UTP14C: variants seen among roughly 807,000 people sequenced by gnomAD.
The protein encoded by UTP14C is U3 small nucleolar RNA-associated protein 14 homolog C.
UTP14C carries 10 observed loss-of-function variants against 14.6 expected under a neutral mutation model. The ratio of observed to expected loss-of-function variants is 0.68; its 90% CI spans 0.42 to 1.16. The LOEUF (loss-of-function observed/expected upper bound fraction) is 1.16, where lower values mean the gene tolerates loss of function less well. Among genes scored for constraint, UTP14C ranks in the 50% most tolerant of loss-of-function variants. The pLI, the probability that UTP14C is intolerant of heterozygous loss-of-function variation, is 0.00. For synonymous variants in UTP14C, 315 were observed against 331.6 expected (o/e 0.95, Z 0.54); for missense variants, 818 against 890.8 (o/e 0.92, Z 1.04).
rs1234758365 is a variant in UTP14C at position 52,033,596 on chromosome 13, A to AT, written c.*2493dup. ...TAAAAGTTTGTCTTGCTTGTGAAAC[A>AT]TTAAGAAGAGGCTGTCAGGTTTAAT... On this transcript the variant is annotated 3_prime_UTR_variant, in exon 2 of 2. Coordinates refer to ENST00000521776, the MANE Select transcript of UTP14C (RefSeq NM_021645.6). The AT allele has an allele frequency of 6.0e-6, 1 of 166,822 alleles. No homozygotes were observed. The highest frequency in any genetic ancestry group is 1.5e-5 in the Non-Finnish European group (1 of 68,112). The allele number at this position is 166,822 out of a possible 1,614,324, so 10.3% of individuals were successfully genotyped here.
At position 52,029,434 on chromosome 13, in the gene UTP14C, T is replaced by G; in HGVS notation, c.630T>G (p.Ser210=). The G allele has an allele frequency of 6.2e-7, 1 of 1,614,026 alleles. No individual in the cohort carries two copies. Among genetic ancestry groups the G allele is most frequent in the Non-Finnish European group, 8.5e-7 (1 of 1,180,020 alleles). Residue 210 remains serine (S), a synonymous_variant, in exon 2 of 2, where the codon TCT becomes TCG. Coordinates refer to ENST00000521776, the MANE Select transcript of UTP14C (RefSeq NM_021645.6). ...TACTGACTCCCATGGAAAAGGCCTC[T>G]CTCCAAGCCATGAGCCTGGAAGAGG... ...DPLLTPMEKA[S]LQAMSLEEAK...
chr13:52,026,569 CA>C (rs1954242471), intron 1 of UTP14C, among the ~76,000 whole-genome samples: 1 of 152,110 alleles, frequency 6.6e-6, no homozygotes, highest in Non-Finnish European at 1.5e-5. Context: ...AAACATTCTG[CA>C]GTAGTATTGA....
chr13:52,027,980 G>C (rs1240966926), intron 1 of UTP14C, among the ~76,000 whole-genome samples: 7 of 152,014 alleles, frequency 4.6e-5, no homozygotes, highest in Non-Finnish European at 8.8e-5. Flanking sequence ...GCAGCAGGCT[G>C]GGTGTGGTAG....
Position 52,032,563 on chromosome 13 carries a change from T to G in UTP14C, c.*1458T>G, listed in dbSNP as rs1954316256. On this transcript the variant is annotated 3_prime_UTR_variant, in exon 2 of 2. Coordinates refer to ENST00000521776, the MANE Select transcript of UTP14C (RefSeq NM_021645.6). Reference sequence around the variant, plus strand: ...CAAATGAAACGGTATATTATTTCTTTGCAGTCTCCTCTCAGTCATTCATCA... The same window carrying G: ...CAAATGAAACGGTATATTATTTCTTGGCAGTCTCCTCTCAGTCATTCATCA... 6.0e-6 allele frequency: 1 copy of G among 167,108 alleles called. No homozygotes were observed. Among genetic ancestry groups the G allele is most frequent in the Admixed American group, 6.5e-5 (1 of 15,298 alleles). The allele number at this position is 167,108 out of a possible 1,614,324, so 10.4% of individuals were successfully genotyped here. A position where few individuals can be genotyped will look rare whatever the true frequency, so the allele number is the denominator to read the frequency against.
chr13:52,027,159 A>G (rs185359828), intron 1 of UTP14C, among the ~76,000 whole-genome samples: 10 of 152,278 alleles, frequency 6.6e-5, no homozygotes, highest in African/African-American at 2.2e-4. Flanking sequence ...AAGTCAGACT[A>G]TGAGCAAAAA....
Position 52,032,181 on chromosome 13 carries a change from C to T in UTP14C, c.*1076C>T, listed in dbSNP as rs1405865697. 1 of 154,038 alleles carries T rather than the reference C, an allele frequency of 6.5e-6. No homozygotes were observed. The highest frequency in any genetic ancestry group is 1.9e-4 in the East Asian group (1 of 5,194). The allele number at this position is 154,038 out of a possible 1,614,324, so 9.5% of individuals were successfully genotyped here. On this transcript the variant is annotated 3_prime_UTR_variant, in exon 2 of 2. Transcript: ENST00000521776. ...AGGTTGCAGTGAGCCAAGATTGTGC[C>T]ACTGCACTCTAGCCTGGGCAATAAG...
In UTP14C at chr13:52,030,223, G is replaced by A. The variant is rs1171898366; in HGVS notation, c.1419G>A (p.Lys473=). 1 of 1,614,096 alleles carries A rather than the reference G, an allele frequency of 6.2e-7. No individual in the cohort carries two copies. The highest frequency in any genetic ancestry group is 2.2e-5 in the East Asian group (1 of 44,896). ...QKLKEKHQSR[K]QKASSEGTVP... is the part of the protein sequence containing the mutation. ...TGAAGGAAAAACATCAGTCCAGGAA[G>A]CAAAAAGCAAGTTCAGAGGGGACTG... Residue 473 remains lysine (K), a synonymous_variant, in exon 2 of 2, where the codon AAG becomes AAA. Transcript: ENST00000521776.
rs754334227 is a variant in UTP14C at position 52,029,746 on chromosome 13, T to C, written c.942T>C (p.Tyr314=). 5.0e-6 allele frequency: 8 copies of C among 1,614,030 alleles called. No individual in the cohort carries two copies. The African/African-American group carries it at 9.3e-5, about 19-fold the overall frequency. Residue 314 remains tyrosine, a synonymous_variant, in exon 2 of 2, where the codon TAT becomes TAC. Coordinates refer to ENST00000521776, the MANE Select transcript of UTP14C (RefSeq NM_021645.6). ...AGTCAAAGGCAATTATGGCCAAATA[T>C]GACCTGGAGGCTCGCCAAGCTATGC... ...WAKSKAIMAK[Y]DLEARQAMQE...
rs1204420316 is a variant in UTP14C at position 52,028,514 on chromosome 13, G to A, written c.-291G>A. 9.3e-6 allele frequency: 15 copies of A among 1,614,114 alleles called. No individual in the cohort carries two copies. Among genetic ancestry groups the A allele is most frequent in the South Asian group, 3.3e-5 (3 of 91,074 alleles). ...AGACTCCAAATCAGAAAAAGTGCTCGTGCATCTGTAAGCAGATTCTCTGAT... is the reference window on the plus strand; with the variant it reads ...AGACTCCAAATCAGAAAAAGTGCTCATGCATCTGTAAGCAGATTCTCTGAT... On this transcript the variant is annotated 5_prime_UTR_variant, in exon 2 of 2. It adds an upstream start codon to the 5' untranslated region. Coordinates refer to ENST00000521776, the MANE Select transcript of UTP14C (RefSeq NM_021645.6).
chr13:52,025,960 C>G (rs1954236528), intron 1 of UTP14C, among the ~76,000 whole-genome samples: 1 of 152,246 alleles, frequency 6.6e-6, no homozygotes, highest in Non-Finnish European at 1.5e-5. Context: ...TAGAAACTTA[C>G]TAAGCATTCA....
rs1253964976 is a variant in UTP14C at position 52,029,309 on chromosome 13, C to T, written c.505C>T (p.Pro169Ser). The T allele has an allele frequency of 1.2e-6, 2 of 1,614,158 alleles. No homozygotes were observed. Among genetic ancestry groups the T allele is most frequent in the Non-Finnish European group, 1.7e-6 (2 of 1,180,034 alleles). The change falls in exon 2 of 2, where the codon CCC becomes TCC. Residue 169 changes from proline to serine, a missense_variant. Physicochemically the swap from Pro to Ser is moderately conservative, Grantham distance 74. Coordinates refer to ENST00000521776, the MANE Select transcript of UTP14C (RefSeq NM_021645.6). ...GGGGAAGGAGCAGCCAGCCATTGCTCCCATTGAACATGCGCTCAGTGGCTG... is the reference window on the plus strand; with the variant it reads ...GGGGAAGGAGCAGCCAGCCATTGCTTCCATTGAACATGCGCTCAGTGGCTG... ...PLGKEQPAIA[P>S]IEHALSGWKA...
At position 52,032,751 on chromosome 13, in the gene UTP14C, A is replaced by G. The variant is rs1293520902; in HGVS notation, c.*1646A>G. 1 of 167,124 alleles carries G rather than the reference A, an allele frequency of 6.0e-6. No individual in the cohort carries two copies. Among genetic ancestry groups the G allele is most frequent in the South Asian group, 2.1e-4 (1 of 4,834 alleles). The allele number at this position is 167,124 out of a possible 1,614,324, so 10.4% of individuals were successfully genotyped here. A position where few individuals can be genotyped will look rare whatever the true frequency, so the allele number is the denominator to read the frequency against. ...CCCATTTAGAAAAAGACTGGTAGAA[A>G]TTGGAGTGAAAGGAACCCTACAGAT... is the stretch of plus-strand genomic sequence containing the variant. On this transcript the variant is annotated 3_prime_UTR_variant, in exon 2 of 2. Transcript: ENST00000521776.
rs1332195077 is a variant in UTP14C at position 52,031,210 on chromosome 13, A to G, written c.*105A>G. 1.3e-5 allele frequency: 19 copies of G among 1,488,574 alleles called. No individual in the cohort carries two copies. Among genetic ancestry groups the G allele is most frequent in the South Asian group, 1.4e-5 (1 of 69,492 alleles). The allele number at this position is 1,488,574 out of a possible 1,614,324, so 92.2% of individuals were successfully genotyped here. On this transcript the variant is annotated 3_prime_UTR_variant, in exon 2 of 2. Transcript: ENST00000521776. ...TTCCAAAACTGGCTCAGCACATTGC[A>G]TGTAGTTGAGCCACATTTTTTAAAA...
Position 52,031,463 on chromosome 13 carries a change from G to T in UTP14C, c.*358G>T, listed in dbSNP as rs1055791231. 4.6e-6 allele frequency: 1 copy of T among 218,666 alleles called. No individual in the cohort carries two copies. Among genetic ancestry groups the T allele is most frequent in the Admixed American group, 5.2e-5 (1 of 19,290 alleles). The allele number at this position is 218,666 out of a possible 1,614,324, so 13.5% of individuals were successfully genotyped here. On this transcript the variant is annotated 3_prime_UTR_variant, in exon 2 of 2. Coordinates refer to ENST00000521776, the MANE Select transcript of UTP14C (RefSeq NM_021645.6). ...CTGATGCTTTATAGGTGTGTGTAGG[G>T]TGGTAGAGGCCAAGGTGCTGCCAGC...
chr13:52,030,399 A>G lies in UTP14C; in HGVS notation c.1595A>G (p.Glu532Gly), dbSNP rs2140852413. The part of the protein sequence containing the change: ...QNKELPRPVL[E>G]GQQSERTPNN... ...AAGGAGCTTCCCAGACCTGTGTTAGAAGGACAGCAGTCAGAGAGGACCCCA... is the reference window on the plus strand; with the variant it reads ...AAGGAGCTTCCCAGACCTGTGTTAGGAGGACAGCAGTCAGAGAGGACCCCA... Residue 532 changes from glutamate to glycine, a missense_variant, in exon 2 of 2, where the codon GAA becomes GGA. Transcript: ENST00000521776. 2 of 1,614,212 alleles carry G rather than the reference A, an allele frequency of 1.2e-6. No individual in the cohort carries two copies. Among genetic ancestry groups the G allele is most frequent in the South Asian group, 1.1e-5 (1 of 91,082 alleles).
At chr13:52,028,195 A>G in intron 1 of UTP14C, 124 bp from the exon 2 acceptor site, 2 of 1,112,188 alleles carry the variant, frequency 1.8e-6, no homozygotes, top group Non-Finnish European at 2.6e-6. Flanking sequence ...GCAAATGTCT[A>G]GACATACATT....
chr13:52,028,313 T>C lies in UTP14C; in HGVS notation c.-486-6T>C, dbSNP rs200751186. The C allele has an allele frequency of 2.2e-4, 351 of 1,614,192 alleles. 1 individual carries two copies. The African/African-American group carries it at 2.5e-3, about 11-fold the overall frequency. On this transcript the variant is annotated splice_region_variant and splice_polypyrimidine_tract_variant and intron_variant, in intron 1 of 1. Coordinates refer to ENST00000521776, the MANE Select transcript of UTP14C (RefSeq NM_021645.6). ...AAGATTACATGATTTGTGTTTTTTT[T>C]CTCAGGAGTTGTGGAGTGTATGGCA...
At position 52,033,567 on chromosome 13, in the gene UTP14C, AAAAT is replaced by A. The variant is rs1292937961; in HGVS notation, c.*2466_*2469del. Reference sequence around the variant, plus strand: ...CCATATGCCAATTAAAGAAGAAACAAAAATAAAAGTTTGTCTTGCTTGTGAAACA... The same window carrying A: ...CCATATGCCAATTAAAGAAGAAACAAAAAAGTTTGTCTTGCTTGTGAAACA... On this transcript the variant is annotated 3_prime_UTR_variant, in exon 2 of 2. Transcript: ENST00000521776. 3.0e-5 allele frequency: 5 copies of A among 167,040 alleles called. No homozygotes were observed. Among genetic ancestry groups the A allele is most frequent in the Non-Finnish European group, 7.3e-5 (5 of 68,108 alleles). 10.3% of individuals were successfully genotyped at this position (167,040 alleles called of 1,614,324 possible).
chr13:52,028,000 G>C (rs2140846314), intron 1 of UTP14C, among the ~76,000 whole-genome samples: 1 of 152,006 alleles, frequency 6.6e-6, no homozygotes, highest in East Asian at 1.9e-4. Context: ...GCTCACGCTG[G>C]TAAATCCCAG....
Sources: gnomAD v4.1 joint callset for allele counts (sites outside exome capture counted in the v4.1 genomes callset) on GRCh38, gnomAD v4.1.1 for gene constraint, MANE v1.5 for transcripts, NCBI Gene and HGNC (gene_info 2026-07-23, HGNC 2026-07-21) for gene names.